The following SH3TC1 variants were observed in gnomAD, a reference collection of about 807,000 sequenced individuals.
SH3TC1 encodes the protein SH3 domain and tetratricopeptide repeat-containing protein 1.
Under a neutral mutation model 117.3 loss-of-function variants are expected in SH3TC1, and 135 were observed. The ratio of observed to expected loss-of-function variants is 1.15; its 90% CI spans 1.00 to 1.33. The LOEUF (loss-of-function observed/expected upper bound fraction) is 1.33. Ranked by LOEUF, SH3TC1 falls within the 40% of genes most tolerant of loss-of-function variation. SH3TC1 has a pLI of 0.00. For missense variants in SH3TC1, 2,092 were observed against 1,794.3 expected (o/e 1.17, Z -3.00); for synonymous variants, 898 against 816.9 (o/e 1.10, Z -1.69).
chr4:8,188,887 G>A (rs1252552758), intron 1 of SH3TC1, among the ~76,000 whole-genome samples: 1 of 152,232 alleles, frequency 6.6e-6, no homozygotes, highest in African/African-American at 2.4e-5. Flanking sequence ...TCTCTCCGGT[G>A]TCCCAGGGGG....
rs6847546 is a variant in SH3TC1 at position 8,202,345 on chromosome 4, C to T, written c.-28-2822C>T. On this transcript the variant is annotated intron_variant, in intron 1 of 17. Transcript: ENST00000245105. ...GGGAGGGTGAAGGCCCCAGGCTGCA[C>T]AGGGCATTTGATCAGTGAGGCTGTG... 7.6e-3 allele frequency among the ~76,000 whole-genome samples: 1,151 copies of T among 152,348 alleles called. 12 individuals carry two copies. Among genetic ancestry groups the T allele is most frequent in the African/African-American group, 0.026 (1,099 of 41,574 alleles).
At chr4:8,200,547 G>A (rs2152976504) in intron 1 of SH3TC1, among the ~76,000 whole-genome samples, 2 of 152,328 alleles carry the variant, frequency 1.3e-5, no homozygotes, top group Middle Eastern at 6.8e-3. Flanking sequence ...TGGGGCGCTG[G>A]GCCAGCGTTT....
rs761584143 is a variant in SH3TC1, at chr4:8,219,342, C to A, written c.924C>A (p.Gly308=). The A allele has an allele frequency of 4.4e-5, 70 of 1,589,650 alleles. No homozygotes were observed. The highest frequency in any genetic ancestry group is 4.7e-5 in the Non-Finnish European group (55 of 1,164,270). The change falls in exon 9 of 18, where the codon GGC becomes GGA. Residue 308 remains glycine (G), a synonymous_variant. Transcript: ENST00000245105. ...VMPGNPLMAV[G]LASALADFQG... ...TGTGGCTTTCTTCCGCAGCTGTGGG[C>A]CTGGCCTCGGCATTGGCAGACTTCC...
intron 7 of SH3TC1, among the ~76,000 whole-genome samples, chr4:8,217,629 G>A (rs1719429496): frequency 6.6e-6 from 1 of 152,246 alleles, no homozygotes; most frequent in Admixed American, 6.5e-5. Context: ...AGCAAAGAGA[G>A]AACCTCAATC....
Position 8,190,201 on chromosome 4 carries a change from GC to G in SH3TC1, c.-57+7994del, listed in dbSNP as rs1324675689. ...GGAGTCTGCAGGAATCCCCCTTGGA[GC>G]CCTCCTCCCCTCTGCCTGCTGTGAC... is the stretch of plus-strand genomic sequence containing the variant. On this transcript the variant is annotated intron_variant, in intron 1 of 16. Transcript: ENST00000508641. The surrounding 1 kb of genome is among the most constrained non-coding windows in gnomAD (Gnocchi z 4.7). Among the ~76,000 whole-genome samples the G allele has an allele frequency of 6.6e-6, 1 of 152,200 alleles. No homozygotes were observed. The highest frequency in any genetic ancestry group is 1.5e-5 in the Non-Finnish European group (1 of 68,016).
chr4:8,226,870 A>C (rs561598206), intron 11 of SH3TC1, 110 bp from the exon 12 acceptor site: 16 of 725,814 alleles, frequency 2.2e-5, no homozygotes, highest in Non-Finnish European at 2.9e-5. Flanking sequence ...TATCGTCTGG[A>C]AAGTGCTGCG....
intron 1 of SH3TC1, among the ~76,000 whole-genome samples, chr4:8,202,257 G>A (rs561893926): frequency 6.6e-6 from 1 of 152,344 alleles, no homozygotes; most frequent in East Asian, 1.9e-4. Flanking sequence ...AGGGCATCCT[G>A]CACTGCCCCT....
In SH3TC1 at chr4:8,210,877, C is replaced by T. The variant is rs1415365152; in HGVS notation, c.247+1055C>T. 6.6e-6 allele frequency among the ~76,000 whole-genome samples: 1 copy of T among 151,692 alleles called. No individual in the cohort carries two copies. The highest frequency in any genetic ancestry group is 1.5e-5 in the Non-Finnish European group (1 of 67,984). Reference sequence around the variant, plus strand: ...AGTCTCCAGGTTGGCCCGGTTGGCCCTTCCCCCATAGGGGGTGAGGGTGTT... The same window carrying T: ...AGTCTCCAGGTTGGCCCGGTTGGCCTTTCCCCCATAGGGGGTGAGGGTGTT... On this transcript the variant is annotated intron_variant, in intron 3 of 17. Coordinates refer to ENST00000245105, the MANE Select transcript of SH3TC1 (RefSeq NM_018986.5). The surrounding 1 kb of genome is among the most constrained non-coding windows in gnomAD (Gnocchi z 4.1).
Position 8,206,030 on chromosome 4 carries a change from G to C in SH3TC1, c.172+664G>C. The C allele has an allele frequency of 3.6e-6, 1 of 279,960 alleles. No homozygotes were observed. The highest frequency in any genetic ancestry group is 6.7e-6 in the Non-Finnish European group (1 of 148,192). 17.3% of individuals were successfully genotyped at this position (279,960 alleles called of 1,614,324 possible). On this transcript the variant is annotated intron_variant, in intron 2 of 17. Coordinates refer to ENST00000245105, the MANE Select transcript of SH3TC1 (RefSeq NM_018986.5). The surrounding 1 kb of genome is among the most constrained non-coding windows in gnomAD (Gnocchi z 5.5). ...GCCTCAGCCCAGTCTCCTCTTAGCT[G>C]CCTATGTCCCTGTCTTGGGACTCCA...
Position 8,209,553 on chromosome 4 carries a change from A to G in SH3TC1, c.173-195A>G, listed in dbSNP as rs539495765. 0.011 allele frequency: 13,759 copies of G among 1,293,608 alleles called. 102 individuals are homozygous for G. Among genetic ancestry groups the G allele is most frequent in the Non-Finnish European group, 0.013 (12,444 of 933,280 alleles). The allele number at this position is 1,293,608 out of a possible 1,614,324, so 80.1% of individuals were successfully genotyped here. A position where few individuals can be genotyped will look rare whatever the true frequency, so the allele number is the denominator to read the frequency against. On this transcript the variant is annotated intron_variant, in intron 2 of 17. Transcript: ENST00000245105. The surrounding 1 kb of genome is among the most constrained non-coding windows in gnomAD (Gnocchi z 5.9). Reference sequence around the variant, plus strand: ...TGAGTGTGGGGCAGCTTGTCACAGCATGCTGGGAAGTGCAGGCAGCTTCCC... The same window carrying G: ...TGAGTGTGGGGCAGCTTGTCACAGCGTGCTGGGAAGTGCAGGCAGCTTCCC...
chr4:8,185,106 C>T (rs1578630552), intron 1 of SH3TC1, among the ~76,000 whole-genome samples: 2 of 150,990 alleles, frequency 1.3e-5, no homozygotes, highest in East Asian at 2.0e-4. Context: ...GAGGCTGAGG[C>T]GGGTGGATCA....
In SH3TC1 at chr4:8,227,948, C is replaced by A. The variant is rs773451811; in HGVS notation, c.2254C>A (p.Leu752Ile). Residue 752 changes from leucine (L) to isoleucine (I), a missense_variant, in exon 12 of 18, where the codon CTC (leucine) becomes ATC (isoleucine). Coordinates refer to ENST00000245105, the MANE Select transcript of SH3TC1 (RefSeq NM_018986.5). ...AGSLRSVNLV[L>I]QNAPQPHSLP... is the part of the protein sequence containing the mutation. ...CTCGCTGAGGAGTGTGAACCTGGTG[C>A]TCCAGAACGCCCCCCAGCCCCACAG... The A allele has an allele frequency of 6.2e-7, 1 of 1,612,486 alleles. No individual in the cohort carries two copies. Among genetic ancestry groups the A allele is most frequent in the South Asian group, 1.1e-5 (1 of 91,086 alleles).
In SH3TC1 at chr4:8,210,759, A is replaced by G. The variant is rs1274570597; in HGVS notation, c.247+937A>G. On this transcript the variant is annotated intron_variant, in intron 3 of 17. Transcript: ENST00000245105. This position sits in a 1 kb window ranked among gnomAD's most constrained non-coding sequence, Gnocchi z 4.1. ...TGGGCAACTTCTGAAAAAAAAAAAA[A>G]AAAAAAAAAAAAAAAGGCCGTCACA... is the stretch of plus-strand genomic sequence containing the variant. 1.3e-5 allele frequency among the ~76,000 whole-genome samples: 2 copies of G among 149,174 alleles called. No individual in the cohort carries two copies. The highest frequency in any genetic ancestry group is 3.0e-5 in the Non-Finnish European group (2 of 67,410).
At chr4:8,195,257 T>A (rs1313433298), upstream of SH3TC1, among the ~76,000 whole-genome samples, 1 of 152,190 alleles carries the variant, frequency 6.6e-6, no homozygotes, top group Non-Finnish European at 1.5e-5. Context: ...CTTAGAAATC[T>A]CCAAGCCCAA....
chr4:8,231,430 T>C (rs1467759358), intron 12 of SH3TC1: 1 of 156,300 alleles, frequency 6.4e-6, no homozygotes, highest in Non-Finnish European at 1.4e-5. Flanking sequence ...ATCTCCGGAA[T>C]GTTGCTGACA....
intron 1 of SH3TC1, among the ~76,000 whole-genome samples, chr4:8,184,839 G>A (rs1310271030): frequency 6.6e-6 from 1 of 150,630 alleles, no homozygotes; most frequent in Non-Finnish European, 1.5e-5. Flanking sequence ...CGAGATTGTC[G>A]TATACATTTG....
rs958417708 is a variant in SH3TC1, at chr4:8,215,675, G to A, written c.482-436G>A. Among the ~76,000 whole-genome samples the A allele has an allele frequency of 4.6e-5, 7 of 152,314 alleles. No homozygotes were observed. The South Asian group carries it at 6.2e-4, about 14-fold the overall frequency. ...TGCCCCAGACGAGAGGGGGGAGCTC[G>A]CAGCATCCCAGAGACAAGGCTTCAC... On this transcript the variant is annotated intron_variant, in intron 5 of 17. Coordinates refer to ENST00000245105, the MANE Select transcript of SH3TC1 (RefSeq NM_018986.5).
At chr4:8,211,993 CAGGTCAGACCCGCCA>C (rs1257028262) in intron 3 of SH3TC1, among the ~76,000 whole-genome samples, 1 of 151,928 alleles carries the variant, frequency 6.6e-6, no homozygotes. Context: ...GACAGCTGCC[CAGGTCAGACCCGCCA>C]AGGCTCAGAA....
chr4:8,218,116 ATGTGTG>A (rs58534598), intron 7 of SH3TC1, 149 bp from the exon 8 acceptor site: 122 of 477,120 alleles, frequency 2.6e-4, no homozygotes, highest in African/African-American at 2.0e-3. Context: ...CTGGGCAGGC[ATGTGTG>A]TGTGTGTGTG....
Sources: allele counts gnomAD v4.1 joint callset (sites outside exome capture counted in the v4.1 genomes callset), GRCh38; gene constraint gnomAD v4.1.1; non-coding constraint Gnocchi (gnomAD v3.1); transcripts MANE v1.5; gene names NCBI Gene and HGNC (gene_info 2026-07-23, HGNC 2026-07-21).